Variants in LRP1B observed in about 807,000 individuals in gnomAD.
LRP1B encodes low-density lipoprotein receptor-related protein 1B.
Under a neutral mutation model 556.6 loss-of-function variants are expected in LRP1B, and 217 were observed. The observed-to-expected ratio is 0.39, with a 90% confidence interval of 0.35 to 0.44. The LOEUF is 0.44. Among genes scored for constraint, LRP1B ranks in the 20% least tolerant of loss-of-function variants. The pLI is 1.00. For missense variants in LRP1B, 5,053 were observed against 5,620.8 expected (o/e 0.90, Z 3.23); for synonymous variants, 2,047 against 1,865.8 (o/e 1.10, Z -2.50).
chr2:141,859,920 A>G (rs1698184248), intron 1 of LRP1B, among the ~76,000 whole-genome samples: 3 of 152,192 alleles, frequency 2.0e-5, no homozygotes, highest in Admixed American at 2.0e-4. Context: ...TCATTTTAGT[A>G]TACAAATCTC....
At chr2:142,053,946 C>T (rs1704564049) in intron 1 of LRP1B, among the ~76,000 whole-genome samples, 1 of 152,032 alleles carries the variant, frequency 6.6e-6, no homozygotes, top group Non-Finnish European at 1.5e-5. Context: ...GTAAGTGTGT[C>T]AGGGAAGGGA....
At chr2:141,849,844 A>G (rs962115423) in intron 1 of LRP1B, among the ~76,000 whole-genome samples, 1 of 151,728 alleles carries the variant, frequency 6.6e-6, no homozygotes, top group African/African-American at 2.4e-5. Context: ...TAGGATGTAT[A>G]TACCATTTAT....
intron 8 of LRP1B, among the ~76,000 whole-genome samples, chr2:141,061,721 A>G (rs1699341027): frequency 6.6e-6 from 1 of 151,834 alleles, no homozygotes; most frequent in African/African-American, 2.4e-5. Flanking sequence ...TACTTAAATT[A>G]GTTTTTAGTA....
chr2:141,789,848 A>G (rs1483724423), intron 2 of LRP1B, among the ~76,000 whole-genome samples: 1 of 151,972 alleles, frequency 6.6e-6, no homozygotes, highest in Non-Finnish European at 1.5e-5. Context: ...TCTTCCTCAA[A>G]TAAGTGTCTT....
chr2:140,841,145 TGGCTC>T, intron 29 of LRP1B, 53 bp from the exon 30 acceptor site: 7 of 1,190,432 alleles, frequency 5.9e-6, no homozygotes, highest in East Asian at 2.5e-5. Context: ...TTCATTGTAC[TGGCTC>T]TGCAAGTAGT....
chr2:141,874,541 C>G (rs138988853), intron 1 of LRP1B, among the ~76,000 whole-genome samples: 1 of 152,014 alleles, frequency 6.6e-6, no homozygotes, highest in African/African-American at 2.4e-5. Flanking sequence ...AATTCCCTCT[C>G]TGCCAAAACA....
chr2:141,762,150 AG>A (rs2105596296), intron 2 of LRP1B, among the ~76,000 whole-genome samples: 1 of 152,120 alleles, frequency 6.6e-6, no homozygotes, highest in South Asian at 2.1e-4. Context: ...ACACTATGAG[AG>A]AAAAAAGTAG....
chr2:141,323,138 G>C (rs575012465), intron 3 of LRP1B, among the ~76,000 whole-genome samples: 1 of 152,066 alleles, frequency 6.6e-6, no homozygotes, highest in Non-Finnish European at 1.5e-5. Context: ...TTTTGCATGA[G>C]ATGTGCCAGC....
intron 3 of LRP1B, among the ~76,000 whole-genome samples, chr2:141,307,058 G>A (rs1004206028): frequency 5.9e-5 from 9 of 152,048 alleles, no homozygotes; most frequent in East Asian, 1.9e-4. Flanking sequence ...ACATGCTGAC[G>A]GGGAAAATGT....
At chr2:141,524,588 G>A (rs1684633500) in intron 2 of LRP1B, among the ~76,000 whole-genome samples, 1 of 152,024 alleles carries the variant, frequency 6.6e-6, no homozygotes, top group Non-Finnish European at 1.5e-5. Context: ...CTCATCAGCT[G>A]TCATTAGTGT....
chr2:141,179,621 G>A (rs1167606851), intron 7 of LRP1B, among the ~76,000 whole-genome samples: 1 of 151,842 alleles, frequency 6.6e-6, no homozygotes, highest in Non-Finnish European at 1.5e-5. Flanking sequence ...GTCAAAAGAA[G>A]ACCAAATACC....
At chr2:141,908,601 T>C (rs1217917722) in intron 1 of LRP1B, among the ~76,000 whole-genome samples, 2 of 152,074 alleles carry the variant, frequency 1.3e-5, no homozygotes, top group Admixed American at 1.3e-4. Context: ...TTTTAATATC[T>C]TATAATTTTA....
intron 54 of LRP1B, among the ~76,000 whole-genome samples, chr2:140,502,556 T>G (rs1309126868): frequency 1.3e-5 from 2 of 152,072 alleles, no homozygotes; most frequent in Non-Finnish European, 2.9e-5. Flanking sequence ...ATATGTATAT[T>G]CAAATGATAT....
intron 87 of LRP1B, among the ~76,000 whole-genome samples, chr2:140,242,912 A>T (rs1438426265): frequency 6.6e-6 from 1 of 151,006 alleles, no homozygotes; most frequent in African/African-American, 2.4e-5. Context: ...AGGAAGGAAC[A>T]TCTACTGAAT....
rs61443034 is a variant in LRP1B at position 141,392,481 on chromosome 2, A to AAAT, written c.343+87914_343+87915insATT. 2.4e-3 allele frequency among the ~76,000 whole-genome samples: 352 copies of AAAT among 144,710 alleles called. 2 individuals are homozygous for AAAT. The highest frequency in any genetic ancestry group is 9.1e-3 in the African/African-American group (333 of 36,794). The allele number at this position is 144,710 out of a possible 152,430, so 94.9% of individuals were successfully genotyped here. On this transcript the variant is annotated intron_variant, in intron 3 of 90. Transcript: ENST00000389484. ...CTCTTAAAAAAAAAAAAAAAAAAAA[A>AAAT]GAGAGACTGTCACTCACTAAAACAG...
At chr2:141,109,404 C>A (rs1700692530) in intron 7 of LRP1B, among the ~76,000 whole-genome samples, 2 of 151,934 alleles carry the variant, frequency 1.3e-5, no homozygotes, top group Non-Finnish European at 1.5e-5. Context: ...AGTTACACTT[C>A]CCCAGTCTTT....
chr2:140,545,545 T>C lies in LRP1B; in HGVS notation c.7195-3574A>G, dbSNP rs543201568. Among the ~76,000 whole-genome samples, 14 of 152,238 alleles carry C rather than the reference T, an allele frequency of 9.2e-5. No homozygotes were observed. In the South Asian group the frequency reaches 2.9e-3, roughly 32 times the overall value. ...CAGCACCATTTATTGAATAGAGTCC[T>C]TTCCCCTTTGCTTGTTTTTGTCAGC... On this transcript the variant is annotated intron_variant, in intron 43 of 90. Coordinates refer to ENST00000389484, the MANE Select transcript of LRP1B (RefSeq NM_018557.3).
chr2:140,700,549 G>T lies in LRP1B; in HGVS notation c.6500C>A (p.Thr2167Asn). The T allele has an allele frequency of 6.2e-7, 1 of 1,613,576 alleles. No individual in the cohort carries two copies. ...CAAATATCCATGGGCACAAGCACAA[G>T]TTCTCCGGGAATTTCCTCGATAAAG... is the stretch of plus-strand genomic sequence containing the variant. ...LCLYRGNSRR[T>N]CACAHGYLAE... Residue 2167 changes from threonine (T) to asparagine (N), a missense_variant, in exon 41 of 91, where the codon ACT becomes AAT. Coordinates refer to ENST00000389484, the MANE Select transcript of LRP1B (RefSeq NM_018557.3).
intron 2 of LRP1B, among the ~76,000 whole-genome samples, chr2:141,769,809 C>CCTTAAAGT (rs148715991): frequency 6.6e-6 from 1 of 152,010 alleles, no homozygotes; most frequent in African/African-American, 2.4e-5. Context: ...TTACTATACG[C>CCTTAAAGT]TGGGGTTACT....
Sources: allele counts gnomAD v4.1 joint callset (sites outside exome capture counted in the v4.1 genomes callset), GRCh38; gene constraint gnomAD v4.1.1; transcripts MANE v1.5; gene names NCBI Gene and HGNC (gene_info 2026-07-23, HGNC 2026-07-21).